Variants in AXDND1 observed in about 807,000 individuals in gnomAD.
AXDND1 encodes the protein axonemal dynein light chain domain containing 1, also known as axonemal dynein light chain domain-containing protein 1.
A neutral mutation model predicts 137.5 loss-of-function variants in AXDND1; 110 were observed. The observed-to-expected ratio is 0.80, with a 90% CI of 0.69 to 0.94. The LOEUF is 0.94. Among genes scored for constraint, AXDND1 ranks in the 40% least tolerant of loss-of-function variants. AXDND1 has a pLI of 0.00. For synonymous variants in AXDND1, 414 were observed against 399.7 expected (o/e 1.04, Z -0.43); for missense variants, 1,191 against 1,169.8 (o/e 1.02, Z -0.26).
intron 4 of AXDND1, among the ~76,000 whole-genome samples, chr1:179,375,702 G>T (rs1558087163): frequency 6.6e-6 from 1 of 152,040 alleles, no homozygotes; most frequent in Non-Finnish European, 1.5e-5. Context: ...GCATTTATTG[G>T]TGTGATAAGA....
chr1:179,454,948 T>G (rs1269187530), intron 16 of AXDND1: 1 of 151,882 alleles, frequency 6.6e-6, no homozygotes, highest in African/African-American at 2.4e-5. Context: ...ACAAAAAACT[T>G]AGCCGGGCGT....
At chr1:179,486,882 G>C (rs1666144033) in intron 18 of AXDND1, among the ~76,000 whole-genome samples, 1 of 148,558 alleles carries the variant, frequency 6.7e-6, no homozygotes, top group Non-Finnish European at 1.5e-5. Flanking sequence ...ACACACTTGG[G>C]TATTTAGACT....
chr1:179,409,743 G>T (rs1030680059), intron 11 of AXDND1, among the ~76,000 whole-genome samples: 1 of 152,126 alleles, frequency 6.6e-6, no homozygotes, highest in Non-Finnish European at 1.5e-5. Context: ...TTAGCCAGGC[G>T]TGGAGGTTGC....
intron 20 of AXDND1, among the ~76,000 whole-genome samples, chr1:179,495,224 C>T (rs1667323805): frequency 6.6e-6 from 1 of 152,058 alleles, no homozygotes; most frequent in African/African-American, 2.4e-5. Flanking sequence ...CTATCAATTT[C>T]CTCAAGAAAC....
At chr1:179,490,010 C>T (rs1466353896) in intron 18 of AXDND1, among the ~76,000 whole-genome samples, 1 of 152,172 alleles carries the variant, frequency 6.6e-6, no homozygotes, top group Non-Finnish European at 1.5e-5. Flanking sequence ...TCCCAAAGTG[C>T]TGAGATTACA....
intron 24 of AXDND1, 59 bp from the exon 25 acceptor site, chr1:179,534,671 G>C (rs6425572): frequency 6.6e-7 from 1 of 1,511,608 alleles, no homozygotes; most frequent in Non-Finnish European, 8.8e-7. Context: ...AATGAGTTTC[G>C]AAATCAAAAA....
In AXDND1 at chr1:179,403,542, T is replaced by G. The variant is rs148218280; in HGVS notation, c.1110-7604T>G. On this transcript the variant is annotated intron_variant, in intron 11 of 25. Coordinates refer to ENST00000367618, the MANE Select transcript of AXDND1 (RefSeq NM_144696.6). ...ACTGCAATACACAATTGACTGGAGA[T>G]ACAAACTACTCATGCAGTGATGATT... is the stretch of plus-strand genomic sequence containing the variant. 1.4e-3 allele frequency among the ~76,000 whole-genome samples: 207 copies of G among 152,360 alleles called. 2 individuals are homozygous for G. The highest frequency in any genetic ancestry group is 4.8e-3 in the African/African-American group (199 of 41,598).
intron 18 of AXDND1, among the ~76,000 whole-genome samples, chr1:179,488,626 C>CTTT (rs1666365623): frequency 1.5e-5 from 1 of 65,108 alleles, no homozygotes. Flanking sequence ...CTTTCTCTCT[C>CTTT]TCTCTCTCCT....
chr1:179,479,699 C>T (rs1303843109), intron 17 of AXDND1, among the ~76,000 whole-genome samples: 3 of 152,106 alleles, frequency 2.0e-5, no homozygotes, highest in Admixed American at 2.0e-4. Context: ...ATGGCGTGAA[C>T]CTGGGAGGCA....
At chr1:179,514,367 T>G (rs1411411993) in intron 21 of AXDND1, among the ~76,000 whole-genome samples, 2 of 152,148 alleles carry the variant, frequency 1.3e-5, no homozygotes, top group African/African-American at 4.8e-5. Context: ...CGTCCATGTA[T>G]TTGCATGGTC....
At chr1:179,459,017 C>G (rs1392207705) in intron 16 of AXDND1, among the ~76,000 whole-genome samples, 1 of 151,910 alleles carries the variant, frequency 6.6e-6, no homozygotes. Context: ...AGATTAAAAT[C>G]AGTAAGACAG....
chr1:179,535,667 A>G (rs756440769), intron 25 of AXDND1, among the ~76,000 whole-genome samples: 1 of 152,236 alleles, frequency 6.6e-6, no homozygotes, highest in Non-Finnish European at 1.5e-5. Context: ...TATTGTGAAT[A>G]GTGCTGCAAT....
chr1:179,441,085 G>C (rs1183292346), intron 15 of AXDND1, among the ~76,000 whole-genome samples: 2 of 152,216 alleles, frequency 1.3e-5, no homozygotes, highest in African/African-American at 4.8e-5. Flanking sequence ...AAACGGGGTT[G>C]AGGTCTGGAC....
At chr1:179,420,623 G>A (rs1032556546) in intron 12 of AXDND1, among the ~76,000 whole-genome samples, 3 of 148,330 alleles carry the variant, frequency 2.0e-5, no homozygotes, top group Non-Finnish European at 4.5e-5. Context: ...CTTGTTATTG[G>A]TTTATTGAGG....
At chr1:179,385,943 C>G (rs1189624338) in intron 9 of AXDND1, among the ~76,000 whole-genome samples, 1 of 151,936 alleles carries the variant, frequency 6.6e-6, no homozygotes, top group East Asian at 1.9e-4. Context: ...ATGTTGTTGC[C>G]CTACTCTCAT....
chr1:179,486,457 T>G (rs1400845660), intron 18 of AXDND1, among the ~76,000 whole-genome samples: 1 of 149,718 alleles, frequency 6.7e-6, no homozygotes, highest in Non-Finnish European at 1.5e-5. Context: ...GGGCCAACAT[T>G]CAAATTCAGG....
At chr1:179,462,755 G>A (rs978232097) in intron 16 of AXDND1, among the ~76,000 whole-genome samples, 1 of 151,464 alleles carries the variant, frequency 6.6e-6, no homozygotes, top group Non-Finnish European at 1.5e-5. Context: ...ACTTCTTCCT[G>A]TTTTTTTCAG....
intron 12 of AXDND1, among the ~76,000 whole-genome samples, chr1:179,422,540 T>C (rs1160366013): frequency 6.6e-6 from 1 of 152,172 alleles, no homozygotes; most frequent in African/African-American, 2.4e-5. Flanking sequence ...TTCAGACTTG[T>C]TTTGTGGCCT....
At chr1:179,367,777 A>G (rs1667607010) in intron 2 of AXDND1, among the ~76,000 whole-genome samples, 1 of 152,212 alleles carries the variant, frequency 6.6e-6, no homozygotes, top group South Asian at 2.1e-4. Flanking sequence ...AGCAGAGATA[A>G]GAGAAACTCA....
Sources: allele counts gnomAD v4.1 joint callset (sites outside exome capture counted in the v4.1 genomes callset), GRCh38; gene constraint gnomAD v4.1.1; transcripts MANE v1.5; gene names NCBI Gene and HGNC (gene_info 2026-07-23, HGNC 2026-07-21).